ITGA1: variants seen among roughly 807,000 people sequenced by gnomAD.
ITGA1 encodes the protein integrin subunit alpha 1, also known as integrin alpha-1.
ITGA1 carries 85 observed loss-of-function variants against 145.9 expected under a neutral mutation model. The ratio of observed to expected loss-of-function variants is 0.58; its 90% confidence interval spans 0.49 to 0.70. The LOEUF is 0.70. ITGA1 is among the 30% of genes least tolerant of loss of function. The probability of loss-of-function intolerance (pLI) is 0.00; values close to 1 mark genes in which losing one functional copy is unlikely to be tolerated. For missense variants in ITGA1, 1,351 were observed against 1,418.7 expected, an observed-to-expected ratio of 0.95 and a Z score of 0.77; for synonymous variants, 520 against 495.3, an observed-to-expected ratio of 1.05 and a Z score of -0.66.
chr5:52,857,903 CT>C (rs2111765611), intron 2 of ITGA1, among the ~76,000 whole-genome samples: 1 of 152,282 alleles, frequency 6.6e-6, no homozygotes, highest in African/African-American at 2.4e-5. Context: ...CCTTCCCACT[CT>C]TCTTTTCCCC....
At chr5:52,805,161 A>G (rs1192409751) in intron 1 of ITGA1, among the ~76,000 whole-genome samples, 2 of 152,158 alleles carry the variant, frequency 1.3e-5, no homozygotes, top group East Asian at 3.9e-4. Context: ...GGGAAGAAGA[A>G]ATATGGAGAA....
intron 28 of ITGA1, among the ~76,000 whole-genome samples, chr5:52,951,148 T>C (rs748021358): frequency 2.0e-5 from 3 of 152,162 alleles, no homozygotes; most frequent in Non-Finnish European, 4.4e-5. Flanking sequence ...CCCTCAGTTG[T>C]TTAATAATTA....
chr5:52,905,724 AG>A (rs1750391963), intron 11 of ITGA1, 38 bp from the exon 12 acceptor site: 2 of 1,573,278 alleles, frequency 1.3e-6, no homozygotes, highest in East Asian at 4.5e-5. Context: ...GAAGCCTTTA[AG>A]GGTCCAGGTG....
In ITGA1 at chr5:52,894,101, A is replaced by G. The variant is rs566732591; in HGVS notation, c.1090+261A>G. Among the ~76,000 whole-genome samples, 8 of 152,242 alleles carry G rather than the reference A, an allele frequency of 5.3e-5. No individual in the cohort carries two copies. In the East Asian group the frequency reaches 1.5e-3, roughly 29 times the overall value. On this transcript the variant is annotated intron_variant, in intron 9 of 28. Coordinates refer to ENST00000282588, the MANE Select transcript of ITGA1 (RefSeq NM_181501.2). Reference sequence around the variant, plus strand: ...GGGACAGCCGATGAAGACAATGGTCAATGTAGATGTGCCAGGACAAAAATG... The same window carrying G: ...GGGACAGCCGATGAAGACAATGGTCGATGTAGATGTGCCAGGACAAAAATG...
Position 52,864,781 on chromosome 5 carries a change from A to G in ITGA1, c.314A>G (p.Asn105Ser). Residue 105 changes from asparagine (N) to serine (S), a missense_variant, in exon 4 of 29, where the codon AAT becomes AGT. Coordinates refer to ENST00000282588, the MANE Select transcript of ITGA1 (RefSeq NM_181501.2). ...TTTTTAGTTAATACATCAATTCCCA[A>G]TGTCACAGAAGTAAAGGAGAACATG... is the stretch of plus-strand genomic sequence containing the variant. ...LDLPVNTSIP[N>S]VTEVKENMTF... 3 of 1,609,218 alleles carry G rather than the reference A, an allele frequency of 1.9e-6. No individual in the cohort carries two copies. Among genetic ancestry groups the G allele is most frequent in the South Asian group, 2.2e-5 (2 of 89,828 alleles).
intron 1 of ITGA1, among the ~76,000 whole-genome samples, chr5:52,836,056 G>A (rs1459802932): frequency 6.6e-6 from 1 of 152,028 alleles, no homozygotes; most frequent in East Asian, 1.9e-4. Context: ...ATCCTAAATT[G>A]GGCGATGACC....
intron 1 of ITGA1, among the ~76,000 whole-genome samples, chr5:52,805,513 T>C (rs1021564716): frequency 2.6e-4 from 39 of 152,254 alleles, no homozygotes; most frequent in African/African-American, 9.1e-4. Context: ...TGCAGATTGC[T>C]GTTTAGAGTT....
At chr5:52,908,216 A>G (rs1394737318) in intron 12 of ITGA1, among the ~76,000 whole-genome samples, 15 of 152,240 alleles carry the variant, frequency 9.9e-5, no homozygotes, top group Admixed American at 9.8e-4. Flanking sequence ...AGGGAGATGT[A>G]CCATAAGATA....
Position 52,890,332 on chromosome 5 carries a change from G to A in ITGA1, c.924+2367G>A, listed in dbSNP as rs77134374. The stretch of plus-strand genomic sequence containing the variant: ...AGTGTAATGCTGTATATAATATTTT[G>A]GAACTTTTAAAACTTAATACTATAT... On this transcript the variant is annotated intron_variant, in intron 8 of 28. Coordinates refer to ENST00000282588, the MANE Select transcript of ITGA1 (RefSeq NM_181501.2). Among the ~76,000 whole-genome samples the A allele has an allele frequency of 3.1e-3, 469 of 152,134 alleles. 2 individuals carry two copies. Among genetic ancestry groups the A allele is most frequent in the African/African-American group, 0.011 (453 of 41,500 alleles).
intron 8 of ITGA1, 61 bp downstream of exon 8, chr5:52,888,026 T>C (rs1057412376): frequency 5.3e-6 from 8 of 1,497,998 alleles, no homozygotes; most frequent in South Asian, 4.9e-5. Context: ...TGTGTGCATA[T>C]TGGGTAATTT....
intron 14 of ITGA1, among the ~76,000 whole-genome samples, chr5:52,910,815 A>G (rs1561245629): frequency 6.9e-6 from 1 of 144,224 alleles, no homozygotes; most frequent in Admixed American, 7.1e-5. Context: ...TAGTATATAT[A>G]GTGTATATGT....
At chr5:52,872,558 T>TA (rs1275104405) in intron 6 of ITGA1, among the ~76,000 whole-genome samples, 2 of 145,228 alleles carry the variant, frequency 1.4e-5, no homozygotes, top group African/African-American at 5.1e-5. Flanking sequence ...TGCTTCCCCT[T>TA]ACACCCGCCT....
chr5:52,827,952 G>T (rs73102238), intron 1 of ITGA1, among the ~76,000 whole-genome samples: 1 of 152,086 alleles, frequency 6.6e-6, no homozygotes, highest in Admixed American at 6.6e-5. Flanking sequence ...AACCAAACCC[G>T]CAGTATCTCT....
chr5:52,834,692 G>A (rs1749136026), intron 1 of ITGA1, among the ~76,000 whole-genome samples: 1 of 150,318 alleles, frequency 6.7e-6, no homozygotes, highest in Admixed American at 6.7e-5. Flanking sequence ...AGAAAGAAGG[G>A]GAAGGAAGGA....
intron 11 of ITGA1, 67 bp downstream of exon 11, chr5:52,898,450 G>C (rs1750265416): frequency 7.3e-7 from 1 of 1,363,872 alleles, no homozygotes; most frequent in African/African-American, 1.5e-5. Flanking sequence ...AGCATTATTT[G>C]CTTATGTTTC....
In ITGA1 at chr5:52,954,014, C is replaced by T. The variant is rs923928342; in HGVS notation, c.*1563C>T. On this transcript the variant is annotated 3_prime_UTR_variant, in exon 29 of 29. Coordinates refer to ENST00000282588, the MANE Select transcript of ITGA1 (RefSeq NM_181501.2). The stretch of plus-strand genomic sequence containing the variant: ...CTCAGAGTCAGCCTACCTCTTGACT[C>T]TCCACATCCGCATCTAAGATCCTGA... The T allele has an allele frequency of 6.6e-6, 1 of 152,140 alleles. No individual in the cohort carries two copies. Among genetic ancestry groups the T allele is most frequent in the South Asian group, 2.1e-4 (1 of 4,822 alleles). 9.4% of individuals were successfully genotyped at this position (152,140 alleles called of 1,614,324 possible). A position where few individuals can be genotyped will look rare whatever the true frequency, so the allele number is the denominator to read the frequency against.
chr5:52,813,849 C>T (rs1748722430), intron 1 of ITGA1, among the ~76,000 whole-genome samples: 2 of 152,310 alleles, frequency 1.3e-5, no homozygotes, highest in South Asian at 4.1e-4. Flanking sequence ...AAAATATTCA[C>T]TAACCATTTT....
intron 20 of ITGA1, among the ~76,000 whole-genome samples, chr5:52,928,451 C>T (rs184285911): frequency 3.9e-5 from 6 of 152,306 alleles, no homozygotes; most frequent in East Asian, 1.9e-4. Flanking sequence ...GCATGGAGTT[C>T]ACTCGTTGAA....
chr5:52,922,612 A>G (rs927176527), intron 17 of ITGA1, among the ~76,000 whole-genome samples, 165 bp from the exon 18 acceptor site: 1 of 152,120 alleles, frequency 6.6e-6, no homozygotes, highest in African/African-American at 2.4e-5. Flanking sequence ...CAGAATGCCA[A>G]TCCCTCTCCA....
Sources: gnomAD v4.1 joint callset for allele counts (sites outside exome capture counted in the v4.1 genomes callset) on GRCh38, gnomAD v4.1.1 for gene constraint, MANE v1.5 for transcripts, NCBI Gene and HGNC (gene_info 2026-07-23, HGNC 2026-07-21) for gene names.